Variants in MLLT3 observed in about 807,000 individuals in gnomAD.
The protein encoded by MLLT3 is MLLT3 super elongation complex subunit.
In MLLT3, 4 loss-of-function variants were observed where a neutral mutation model predicts 53.2. That is an observed-to-expected ratio of 0.08 (90% confidence interval 0.04 to 0.17). The LOEUF is 0.17. Among genes scored for constraint, MLLT3 ranks in the 10% least tolerant of loss-of-function variants. The pLI is 1.00. For synonymous variants in MLLT3, 283 were observed against 230.6 expected (o/e 1.23, Z -2.06); for missense variants, 569 against 684.0 (o/e 0.83, Z 1.87).
At chr9:20,538,721 CTATT>C (rs1179704382) in intron 2 of MLLT3, among the ~76,000 whole-genome samples, 1 of 152,064 alleles carries the variant, frequency 6.6e-6, no homozygotes, top group African/African-American at 2.4e-5. Flanking sequence ...TTAAACATTC[CTATT>C]TAGTCCCTTA....
At chr9:20,479,522 C>A (rs1824611327) in intron 2 of MLLT3, among the ~76,000 whole-genome samples, 1 of 152,036 alleles carries the variant, frequency 6.6e-6, no homozygotes, top group Non-Finnish European at 1.5e-5. Context: ...CCATTTGACT[C>A]AAAGCAAGCT....
At chr9:20,547,689 G>GCCTGTAATT (rs1021318609) in intron 2 of MLLT3, among the ~76,000 whole-genome samples, 1 of 149,508 alleles carries the variant, frequency 6.7e-6, no homozygotes, top group African/African-American at 2.4e-5. Context: ...AGTGGCTCAC[G>GCCTGTAATT]CCTGTAATTC....
chr9:20,478,299 A>G (rs1824575811), intron 2 of MLLT3, among the ~76,000 whole-genome samples: 1 of 152,174 alleles, frequency 6.6e-6, no homozygotes, highest in Non-Finnish European at 1.5e-5. Context: ...TCTGGCTTTC[A>G]CTAAAGAGCT....
At chr9:20,400,588 T>C (rs750489591) in intron 5 of MLLT3, among the ~76,000 whole-genome samples, 1 of 152,114 alleles carries the variant, frequency 6.6e-6, no homozygotes, top group Non-Finnish European at 1.5e-5. Context: ...TTAAAAATCA[T>C]ACCAGGCTAG....
Position 20,417,395 on chromosome 9 carries a change from G to GAT in MLLT3, c.421-2972_421-2971dup, listed in dbSNP as rs539313064. On this transcript the variant is annotated intron_variant, in intron 4 of 10. Transcript: ENST00000380338. Reference sequence around the variant, plus strand: ...ATATTATATATAAATATGTATATCTGATATATATATATAATATACATGGGG... The same window carrying GAT: ...ATATTATATATAAATATGTATATCTGATATATATATATATAATATACATGGGG... 8.4e-4 allele frequency among the ~76,000 whole-genome samples: 123 copies of GAT among 146,094 alleles called. 1 individual carries two copies. The South Asian group carries it at 9.9e-3, about 12-fold the overall frequency.
At chr9:20,366,685 C>G (rs1821460893) in intron 5 of MLLT3, among the ~76,000 whole-genome samples, 1 of 152,210 alleles carries the variant, frequency 6.6e-6, no homozygotes, top group East Asian at 1.9e-4. Context: ...TCCTATTTCT[C>G]CACATCCTCT....
At chr9:20,601,834 T>C (rs1366250831) in intron 2 of MLLT3, among the ~76,000 whole-genome samples, 1 of 152,162 alleles carries the variant, frequency 6.6e-6, no homozygotes, top group Non-Finnish European at 1.5e-5. Context: ...TAGCACCAAA[T>C]TGTCAAATCA....
At chr9:20,547,592 C>T (rs549825191) in intron 2 of MLLT3, among the ~76,000 whole-genome samples, 44 of 146,244 alleles carry the variant, frequency 3.0e-4, no homozygotes, top group Non-Finnish European at 4.5e-4. Context: ...TGCAGTGAGC[C>T]GAGATCGCAC....
chr9:20,466,343 G>T (rs1352003648), intron 2 of MLLT3, among the ~76,000 whole-genome samples: 2 of 152,104 alleles, frequency 1.3e-5, no homozygotes, highest in East Asian at 3.9e-4. Context: ...GACTTAACCT[G>T]CACAGTGTTA....
intron 2 of MLLT3, among the ~76,000 whole-genome samples, chr9:20,610,303 A>C (rs1005908389): frequency 1.3e-5 from 2 of 152,304 alleles, no homozygotes; most frequent in Middle Eastern, 3.4e-3. Flanking sequence ...TTTCTTTTTA[A>C]GCATCCAAAG....
intron 2 of MLLT3, among the ~76,000 whole-genome samples, chr9:20,596,622 T>C (rs1324333568): frequency 2.0e-5 from 3 of 152,164 alleles, no homozygotes; most frequent in Non-Finnish European, 2.9e-5. Flanking sequence ...GCCCAGGAGC[T>C]GGAGGTTGCA....
At chr9:20,563,935 A>C (rs949360785) in intron 2 of MLLT3, among the ~76,000 whole-genome samples, 1 of 152,184 alleles carries the variant, frequency 6.6e-6, no homozygotes, top group Non-Finnish European at 1.5e-5. Flanking sequence ...AAAATAAATA[A>C]ATAAGCAAGT....
At chr9:20,431,036 T>C (rs936840007) in intron 4 of MLLT3, among the ~76,000 whole-genome samples, 2 of 152,146 alleles carry the variant, frequency 1.3e-5, no homozygotes, top group Non-Finnish European at 2.9e-5. Context: ...TTTATGTGCT[T>C]ACTAAATGTG....
chr9:20,587,404 C>T (rs1587103712), intron 2 of MLLT3, among the ~76,000 whole-genome samples: 1 of 152,188 alleles, frequency 6.6e-6, no homozygotes, highest in East Asian at 1.9e-4. Flanking sequence ...GTGACGGAAA[C>T]TTTTTCACTG....
intron 2 of MLLT3, among the ~76,000 whole-genome samples, chr9:20,521,151 A>G (rs1818047649): frequency 6.6e-6 from 1 of 151,700 alleles, no homozygotes; most frequent in Admixed American, 6.6e-5. Flanking sequence ...GCTCACTGCA[A>G]CCTCCACCTC....
At chr9:20,529,264 C>A (rs1818271077) in intron 2 of MLLT3, among the ~76,000 whole-genome samples, 1 of 152,048 alleles carries the variant, frequency 6.6e-6, no homozygotes, top group African/African-American at 2.4e-5. Context: ...AGGATGGAGA[C>A]CTTAATTATA....
chr9:20,619,789 C>G (rs1221713507), intron 2 of MLLT3, among the ~76,000 whole-genome samples: 3 of 152,146 alleles, frequency 2.0e-5, no homozygotes, highest in Non-Finnish European at 4.4e-5. Context: ...AACTGTCCTG[C>G]CCATTATGGA....
rs1030118301 is a variant in MLLT3 at position 20,342,752 on chromosome 9, C to T, written c.*3691G>A. ...ATGGGAATTGACTCCTTAACATTCA[C>T]TGCAGCTGTAGTAGTCTCTACATCA... is the stretch of plus-strand genomic sequence containing the variant. On this transcript the variant is annotated 3_prime_UTR_variant, in exon 11 of 11. Coordinates refer to ENST00000380338, the MANE Select transcript of MLLT3 (RefSeq NM_004529.4). The T allele has an allele frequency of 5.1e-6, 1 of 196,826 alleles. No homozygotes were observed. The highest frequency in any genetic ancestry group is 2.3e-5 in the African/African-American group (1 of 43,096). The allele number at this position is 196,826 out of a possible 1,614,324, so 12.2% of individuals were successfully genotyped here. A position where few individuals can be genotyped will look rare whatever the true frequency, so the allele number is the denominator to read the frequency against.
chr9:20,516,525 T>C (rs991762480), intron 2 of MLLT3, among the ~76,000 whole-genome samples: 2 of 152,224 alleles, frequency 1.3e-5, no homozygotes, highest in Non-Finnish European at 2.9e-5. Context: ...TTGTATTAAA[T>C]AACTGTCATG....
Sources: allele counts gnomAD v4.1 joint callset (sites outside exome capture counted in the v4.1 genomes callset), GRCh38; gene constraint gnomAD v4.1.1; transcripts MANE v1.5; gene names NCBI Gene and HGNC (gene_info 2026-07-23, HGNC 2026-07-21).